Variants in STPG2 observed in about 807,000 individuals in gnomAD.
STPG2 encodes sperm tail PG-rich repeat containing 2, also known as sperm-tail PG-rich repeat-containing protein 2.
Under a neutral mutation model 54.2 loss-of-function variants are expected in STPG2, and 56 were observed. The observed-to-expected ratio is 1.03, with a 90% confidence interval of 0.83 to 1.29. STPG2 has a LOEUF of 1.29. Ranked by LOEUF, STPG2 falls within the 50% of genes most tolerant of loss-of-function variation. The probability of loss-of-function intolerance (pLI) is 0.00; values close to 1 mark genes in which losing one functional copy is unlikely to be tolerated. For synonymous variants in STPG2, 200 were observed against 181.8 expected, an observed-to-expected ratio of 1.10 and a Z score of -0.81; for missense variants, 596 against 544.9, an observed-to-expected ratio of 1.09 and a Z score of -0.93.
At chr4:97,995,386 GA>G in intron 5 of STPG2, among the ~76,000 whole-genome samples, 1 of 151,932 alleles carries the variant, frequency 6.6e-6, no homozygotes, top group East Asian at 1.9e-4. Context: ...GTTCTTGGAG[GA>G]AAAGTATACA....
intron 8 of STPG2, among the ~76,000 whole-genome samples, chr4:97,873,966 A>C (rs1730084304): frequency 6.6e-6 from 1 of 151,540 alleles, no homozygotes; most frequent in Non-Finnish European, 1.5e-5. Flanking sequence ...AAGTCAAAGT[A>C]TTTTCTTTAT....
intron 8 of STPG2, among the ~76,000 whole-genome samples, chr4:97,914,179 G>T (rs1731782982): frequency 6.6e-6 from 1 of 152,098 alleles, no homozygotes; most frequent in South Asian, 2.1e-4. Flanking sequence ...AGTAATCTTT[G>T]TCTGAAAGTA....
At chr4:97,711,650 T>C (rs976869498) in intron 10 of STPG2, among the ~76,000 whole-genome samples, 9 of 151,726 alleles carry the variant, frequency 5.9e-5, no homozygotes, top group African/African-American at 2.2e-4. Context: ...GATTGTGACA[T>C]TTTATTTTTA....
At chr4:97,536,425 G>GTC (rs1731532910) in intron 4 of STPG2, among the ~76,000 whole-genome samples, 2 of 152,124 alleles carry the variant, frequency 1.3e-5, no homozygotes, top group Non-Finnish European at 1.5e-5. Flanking sequence ...CTTGAGCTCT[G>GTC]TCTCTCTCCT....
chr4:97,878,228 C>A lies in STPG2; in HGVS notation c.1045-37296G>T, dbSNP rs542362967. ...CTCCAGCTTTTCCAGGTGCACAGTGCAAGCTGTAGGAGGATCTACCATTCT... is the reference window on the plus strand; with the variant it reads ...CTCCAGCTTTTCCAGGTGCACAGTGAAAGCTGTAGGAGGATCTACCATTCT... On this transcript the variant is annotated intron_variant, in intron 8 of 10. Transcript: ENST00000295268. 2.0e-5 allele frequency among the ~76,000 whole-genome samples: 3 copies of A among 152,286 alleles called. No homozygotes were observed. In the South Asian group the frequency reaches 6.2e-4, roughly 32 times the overall value.
chr4:97,588,309 G>A (rs1337236575), intron 10 of STPG2, among the ~76,000 whole-genome samples: 1 of 151,682 alleles, frequency 6.6e-6, no homozygotes, highest in Non-Finnish European at 1.5e-5. Context: ...AAATGCAACT[G>A]AAAAAAATAC....
chr4:97,931,783 C>T (rs534443844), intron 8 of STPG2, among the ~76,000 whole-genome samples: 1 of 151,964 alleles, frequency 6.6e-6, no homozygotes, highest in African/African-American at 2.4e-5. Context: ...AGTCCCTTCT[C>T]CTCAATTTTT....
At chr4:98,046,050 CT>C (rs546145548) in intron 5 of STPG2, among the ~76,000 whole-genome samples, 441 of 136,362 alleles carry the variant, frequency 3.2e-3, no homozygotes, top group East Asian at 7.2e-3. Context: ...TTTTTTCATT[CT>C]TTTTTTTTTT....
In STPG2 at chr4:97,779,763, T is replaced by A. The variant is rs568154643; in HGVS notation, c.1204+61010A>T. On this transcript the variant is annotated intron_variant, in intron 9 of 10. Transcript: ENST00000295268. ...AGAAACTCTACAAGCCAGAAGAGAG[T>A]GGGGGCCAATATACAACGTTCTTAA... 2.6e-5 allele frequency among the ~76,000 whole-genome samples: 4 copies of A among 151,840 alleles called. No homozygotes were observed. In the South Asian group the frequency reaches 8.3e-4, roughly 32 times the overall value.
intron 10 of STPG2, among the ~76,000 whole-genome samples, chr4:97,574,892 T>C (rs1485563088): frequency 6.6e-6 from 1 of 151,964 alleles, no homozygotes; most frequent in African/African-American, 2.4e-5. Flanking sequence ...TTTTATTTAA[T>C]AGTTAATCTT....
At chr4:97,723,076 T>C (rs1321580515) in intron 9 of STPG2, among the ~76,000 whole-genome samples, 1 of 151,430 alleles carries the variant, frequency 6.6e-6, no homozygotes, top group Non-Finnish European at 1.5e-5. Context: ...CCTCCTAAAG[T>C]GCTGGGATTA....
At chr4:97,562,059 C>A (rs1461439608) in intron 10 of STPG2, among the ~76,000 whole-genome samples, 2 of 152,136 alleles carry the variant, frequency 1.3e-5, no homozygotes, top group Admixed American at 1.3e-4. Flanking sequence ...GATATTGATT[C>A]TTCCTACTCA....
At chr4:97,783,917 A>G (rs1726736618) in intron 9 of STPG2, among the ~76,000 whole-genome samples, 1 of 148,504 alleles carries the variant, frequency 6.7e-6, no homozygotes, top group African/African-American at 2.5e-5. Context: ...GCGGCCAGTC[A>G]TGGGGTGGGG....
At chr4:97,758,704 C>T (rs1298062749) in intron 9 of STPG2, among the ~76,000 whole-genome samples, 1 of 152,038 alleles carries the variant, frequency 6.6e-6, no homozygotes, top group Non-Finnish European at 1.5e-5. Context: ...GATGGGTTGA[C>T]AGGTGCAGCA....
At chr4:97,959,109 T>C (rs1733792025) in intron 7 of STPG2, among the ~76,000 whole-genome samples, 1 of 152,142 alleles carries the variant, frequency 6.6e-6, no homozygotes, top group Non-Finnish European at 1.5e-5. Flanking sequence ...TTAAATAATA[T>C]GCTCCTGAAT....
chr4:97,559,173 A>T (rs575820446), intron 10 of STPG2, 56 bp from the exon 11 acceptor site: 3 of 1,129,276 alleles, frequency 2.7e-6, no homozygotes, highest in African/African-American at 3.1e-5. Flanking sequence ...AAAAAGAAAA[A>T]TAATATTCAT....
At chr4:97,659,339 A>G (rs1369068115) in intron 10 of STPG2, among the ~76,000 whole-genome samples, 1 of 152,224 alleles carries the variant, frequency 6.6e-6, no homozygotes, top group Non-Finnish European at 1.5e-5. Context: ...TTCAGGCTCT[A>G]GACTAACTTC....
chr4:97,962,916 T>C (rs1315197541), intron 7 of STPG2, among the ~76,000 whole-genome samples: 1 of 152,146 alleles, frequency 6.6e-6, no homozygotes. Flanking sequence ...ATCCCAGCAC[T>C]TTGGGAAGCT....
chr4:98,103,451 G>A (rs1037627292), intron 5 of STPG2, among the ~76,000 whole-genome samples: 3 of 151,908 alleles, frequency 2.0e-5, no homozygotes, highest in Admixed American at 6.6e-5. Flanking sequence ...AGACCAGCCT[G>A]ACCAACATAG....
Sources: allele counts gnomAD v4.1 joint callset (sites outside exome capture counted in the v4.1 genomes callset), GRCh38; gene constraint gnomAD v4.1.1; transcripts MANE v1.5; gene names NCBI Gene and HGNC (gene_info 2026-07-23, HGNC 2026-07-21).